FERMT2: variants seen among roughly 807,000 people sequenced by gnomAD.
The protein encoded by FERMT2 is fermitin family homolog 2.
FERMT2 carries 15 observed loss-of-function variants against 82.7 expected under a neutral mutation model. The observed-to-expected ratio is 0.18, with a 90% CI of 0.12 to 0.28. FERMT2 has a LOEUF of 0.28. Ranked by LOEUF, FERMT2 falls within the 10% of genes least tolerant of loss-of-function variation. The pLI is 1.00. For missense variants in FERMT2, 645 were observed against 809.4 expected (o/e 0.80, Z 2.46); for synonymous variants, 274 against 271.5 (o/e 1.01, Z -0.09).
intron 2 of FERMT2, among the ~76,000 whole-genome samples, chr14:52,925,590 C>A (rs892574929): frequency 6.7e-5 from 10 of 148,918 alleles, no homozygotes; most frequent in Admixed American, 6.0e-4. Context: ...CACTTAACTG[C>A]ACAAATTGTG....
intron 2 of FERMT2, among the ~76,000 whole-genome samples, chr14:52,923,058 G>C (rs564656053): frequency 6.6e-6 from 1 of 152,112 alleles, no homozygotes; most frequent in Non-Finnish European, 1.5e-5. Flanking sequence ...CTGCAACACA[G>C]TGATAAATAT....
intron 4 of FERMT2, among the ~76,000 whole-genome samples, chr14:52,882,560 T>C (rs930488925): frequency 2.0e-5 from 3 of 152,234 alleles, no homozygotes; most frequent in African/African-American, 7.2e-5. Flanking sequence ...TGTTAAATTA[T>C]ATTTTGTCCT....
chr14:52,902,130 C>T (rs928945102), intron 3 of FERMT2, among the ~76,000 whole-genome samples: 3 of 152,158 alleles, frequency 2.0e-5, no homozygotes, highest in Non-Finnish European at 4.4e-5. Context: ...CGGTGGCTTA[C>T]GCCTGTAATC....
At chr14:52,948,066 G>A (rs1404789801) in intron 2 of FERMT2, among the ~76,000 whole-genome samples, 1 of 152,216 alleles carries the variant, frequency 6.6e-6, no homozygotes, top group Non-Finnish European at 1.5e-5. Flanking sequence ...AGTAGCCCAA[G>A]TCTGCTAATT....
At chr14:52,937,959 G>C (rs888514131) in intron 2 of FERMT2, among the ~76,000 whole-genome samples, 2 of 152,170 alleles carry the variant, frequency 1.3e-5, no homozygotes, top group Non-Finnish European at 2.9e-5. Context: ...TATGTGCCAA[G>C]AACTGCTCTA....
At chr14:52,926,416 ACACACACAC>A (rs1889277571) in intron 2 of FERMT2, among the ~76,000 whole-genome samples, 1 of 6,850 alleles carries the variant, frequency 1.5e-4, no homozygotes, top group Non-Finnish European at 4.8e-4. Flanking sequence ...AGTGCAACAC[ACACACACAC>A]ACACACACAC....
chr14:52,945,225 CTA>C (rs780904660), intron 2 of FERMT2, among the ~76,000 whole-genome samples: 22 of 151,352 alleles, frequency 1.5e-4, no homozygotes, highest in Non-Finnish European at 2.2e-4. Context: ...CTCAATTGTT[CTA>C]TGTTTTTTTG....
chr14:52,873,980 A>G lies in FERMT2; in HGVS notation c.1148+197T>C, dbSNP rs184148043. ...TTTTTTTTTTAAAGAAAAATCTGAT[A>G]AAAGAATGAGCATTGTGATTTTAAT... On this transcript the variant is annotated intron_variant, in intron 9 of 14. Transcript: ENST00000341590. Among the ~76,000 whole-genome samples, 23 of 152,042 alleles carry G rather than the reference A, an allele frequency of 1.5e-4. No homozygotes were observed. The East Asian group carries it at 2.5e-3, about 17-fold the overall frequency.
At chr14:52,881,724 A>T in intron 4 of FERMT2, 1 of 1,295,306 alleles carries the variant, frequency 7.7e-7, no homozygotes, top group Non-Finnish European at 1.0e-6. Context: ...AGTTCAAGAG[A>T]ATTAGAAAAT....
intron 3 of FERMT2, among the ~76,000 whole-genome samples, chr14:52,907,187 G>C (rs1888062362): frequency 6.6e-6 from 1 of 152,002 alleles, no homozygotes; most frequent in African/African-American, 2.4e-5. Context: ...TAATTTTTTG[G>C]TATTTTTTGG....
intron 10 of FERMT2, among the ~76,000 whole-genome samples, chr14:52,871,242 G>A (rs1318241436): frequency 1.3e-5 from 2 of 152,136 alleles, no homozygotes; most frequent in Non-Finnish European, 2.9e-5. Flanking sequence ...CATTGGAAAT[G>A]AGTCTAGAAA....
intron 4 of FERMT2, among the ~76,000 whole-genome samples, chr14:52,884,255 G>A (rs1886459547): frequency 6.6e-6 from 1 of 152,204 alleles, no homozygotes; most frequent in South Asian, 2.1e-4. Context: ...GGCAAAGCAA[G>A]GTTAAATAAC....
At chr14:52,903,821 G>C (rs1256896575) in intron 3 of FERMT2, among the ~76,000 whole-genome samples, 1 of 152,070 alleles carries the variant, frequency 6.6e-6, no homozygotes, top group Non-Finnish European at 1.5e-5. Context: ...TCAAATACAA[G>C]AGAGAAGATG....
intron 3 of FERMT2, among the ~76,000 whole-genome samples, chr14:52,898,736 C>CTG (rs1887448008): frequency 6.6e-6 from 1 of 151,662 alleles, no homozygotes; most frequent in African/African-American, 2.4e-5. Flanking sequence ...TGGTGGTACT[C>CTG]TCTCTCCACC....
chr14:52,943,147 G>A (rs2139703707), intron 2 of FERMT2, among the ~76,000 whole-genome samples: 1 of 145,128 alleles, frequency 6.9e-6, no homozygotes, highest in Non-Finnish European at 1.5e-5. Flanking sequence ...GGCGGAGGTT[G>A]CAGTGGACTG....
intron 7 of FERMT2, among the ~76,000 whole-genome samples, chr14:52,878,015 A>G (rs1886074020): frequency 6.6e-6 from 1 of 152,164 alleles, no homozygotes; most frequent in South Asian, 2.1e-4. Flanking sequence ...TATAATTCTG[A>G]AGGAGGTGGT....
intron 4 of FERMT2, among the ~76,000 whole-genome samples, chr14:52,891,614 T>C (rs777689486): frequency 7.9e-5 from 12 of 152,116 alleles, no homozygotes; most frequent in South Asian, 2.1e-4. Flanking sequence ...GTGCATGAAA[T>C]AGTGGTGGGC....
chr14:52,897,793 A>G (rs1023796639), intron 3 of FERMT2, among the ~76,000 whole-genome samples: 1 of 152,040 alleles, frequency 6.6e-6, no homozygotes, highest in Non-Finnish European at 1.5e-5. Context: ...CCTGGCCAAC[A>G]TGGTGAAACC....
intron 3 of FERMT2, among the ~76,000 whole-genome samples, chr14:52,902,666 C>T (rs1157716614): frequency 2.0e-5 from 3 of 150,778 alleles, no homozygotes; most frequent in African/African-American, 4.9e-5. Flanking sequence ...GTCAGGAATT[C>T]GAGACCAGCC....
Sources: allele counts gnomAD v4.1 joint callset (sites outside exome capture counted in the v4.1 genomes callset), GRCh38; gene constraint gnomAD v4.1.1; transcripts MANE v1.5; gene names NCBI Gene and HGNC (gene_info 2026-07-23, HGNC 2026-07-21).